Variants in MAP3K10 observed in about 807,000 individuals in gnomAD.
MAP3K10 encodes mitogen-activated protein kinase kinase kinase 10.
A neutral mutation model predicts 75.0 loss-of-function variants in MAP3K10; 22 were observed. The ratio of observed to expected loss-of-function variants is 0.29; its 90% confidence interval spans 0.21 to 0.42. The LOEUF (loss-of-function observed/expected upper bound fraction) is 0.42, where lower values mean the gene tolerates loss of function less well. Ranked by LOEUF, MAP3K10 falls within the 10% of genes least tolerant of loss-of-function variation. The pLI is 1.00. For missense variants in MAP3K10, 1,165 were observed against 1,379.8 expected (o/e 0.84, Z 2.47); for synonymous variants, 599 against 612.9 (o/e 0.98, Z 0.34).
Position 40,204,833 on chromosome 19 carries a change from A to G in MAP3K10, c.1012+200A>G. The G allele has an allele frequency of 2.9e-6, 2 of 680,152 alleles. No homozygotes were observed. Among genetic ancestry groups the G allele is most frequent in the Non-Finnish European group, 4.9e-6 (2 of 411,614 alleles). 42.1% of individuals were successfully genotyped at this position (680,152 alleles called of 1,614,324 possible). A position where few individuals can be genotyped will look rare whatever the true frequency, so the allele number is the denominator to read the frequency against. ...CCCAGCCCTTGTTTGGGCCAGGCCC[A>G]GAGCTCTCAGGACAACCTGTTAGGA... is the stretch of plus-strand genomic sequence containing the variant. On this transcript the variant is annotated intron_variant, in intron 3 of 9. Coordinates refer to ENST00000253055, the MANE Select transcript of MAP3K10 (RefSeq NM_002446.4). This position sits in a 1 kb window ranked among gnomAD's most constrained non-coding sequence, Gnocchi z 4.3.
Position 40,214,010 on chromosome 19 carries a change from A to ACCCCCCCCCCCCCCCC in MAP3K10, c.2334_2335insCCCCCCCCCCCCCCCC (p.Ser779ProfsTer78). The ACCCCCCCCCCCCCCCC allele has an allele frequency of 1.4e-6, 1 of 726,374 alleles. No homozygotes were observed. Among genetic ancestry groups the ACCCCCCCCCCCCCCCC allele is most frequent in the Non-Finnish European group, 1.9e-6 (1 of 538,530 alleles). The allele number at this position is 726,374 out of a possible 1,614,324, so 45.0% of individuals were successfully genotyped here. A position where few individuals can be genotyped will look rare whatever the true frequency, so the allele number is the denominator to read the frequency against. On this transcript the variant is annotated frameshift_variant, in exon 9 of 10. Transcript: ENST00000253055. LOFTEE classifies it high-confidence loss of function. ...CCGCACCGGCCGCGCCCTCCCCACCACCCTCCCCGCCCGCGCCCACACCCA... is the reference window on the plus strand; with the variant it reads ...CCGCACCGGCCGCGCCCTCCCCACCACCCCCCCCCCCCCCCCCCCTCCCCGCCCGCGCCCACACCCA...
chr19:40,214,995 C>T lies in MAP3K10; in HGVS notation c.2568C>T (p.Pro856=). 6.3e-7 allele frequency: 1 copy of T among 1,585,678 alleles called. No individual in the cohort carries two copies. Among genetic ancestry groups the T allele is most frequent in the Non-Finnish European group, 8.6e-7 (1 of 1,161,996 alleles). The change falls in exon 10 of 10, where the codon CCC becomes CCT. Residue 856 remains proline, a synonymous_variant. Coordinates refer to ENST00000253055, the MANE Select transcript of MAP3K10 (RefSeq NM_002446.4). ...GPGPRDLLDF[P]RLPDPQALFP... is the part of the protein sequence containing the mutation. ...GCCCTCGTGACCTTCTGGACTTCCC[C>T]CGCCTGCCCGACCCCCAGGCCCTGT...
intron 5 of MAP3K10, chr19:40,206,396 A>C: frequency 2.5e-6 from 1 of 399,076 alleles, no homozygotes; most frequent in South Asian, 1.1e-4. Context: ...TAGACCCCAT[A>C]TTTACCAAAA....
chr19:40,213,982 AGGCCGCACC>A lies in MAP3K10; in HGVS notation c.2310_2318del (p.Ala772_Pro774del), dbSNP rs1375448446. 5.4e-5 allele frequency: 82 copies of A among 1,531,844 alleles called. No individual in the cohort carries two copies. The highest frequency in any genetic ancestry group is 7.1e-5 in the Non-Finnish European group (81 of 1,146,008). The allele number at this position is 1,531,844 out of a possible 1,614,324, so 94.9% of individuals were successfully genotyped here. The stretch of plus-strand genomic sequence containing the variant: ...TCACTGCTGCGCTCTGACAGTGACG[AGGCCGCACC>A]GGCCGCGCCCTCCCCACCACCCTCC... On this transcript the variant is annotated inframe_deletion, in exon 9 of 10. Transcript: ENST00000253055. This position sits in a 1 kb window ranked among gnomAD's most constrained non-coding sequence, Gnocchi z 5.7.
At position 40,206,848 on chromosome 19, in the gene MAP3K10, T is replaced by C. The variant is rs145523703; in HGVS notation, c.1435+691T>C. ...GTGGCTCACGCCTGTAATCCCAGCA[T>C]TTTGGGAGGCCAAAGTGCGTAGATC... On this transcript the variant is annotated intron_variant, in intron 5 of 9. Transcript: ENST00000253055. Among the ~76,000 whole-genome samples the C allele has an allele frequency of 6.8e-3, 1,041 of 152,048 alleles. 13 individuals are homozygous for C. Among genetic ancestry groups the C allele is most frequent in the African/African-American group, 0.024 (982 of 41,498 alleles).
rs1973083723 is a variant in MAP3K10 at position 40,204,699 on chromosome 19, C to A, written c.1012+66C>A. ...GTGGCAGGGACCTGTGGGCCCAGAC[C>A]TTTCCCCTTCACACCTATCCATACC... is the stretch of plus-strand genomic sequence containing the variant. On this transcript the variant is annotated intron_variant, in intron 3 of 9. Transcript: ENST00000253055. This position sits in a 1 kb window ranked among gnomAD's most constrained non-coding sequence, Gnocchi z 4.3. The A allele has an allele frequency of 3.2e-6, 5 of 1,559,890 alleles. No individual in the cohort carries two copies. The highest frequency in any genetic ancestry group is 3.5e-5 in the Admixed American group (2 of 57,184).
chr19:40,212,862 C>G lies in MAP3K10; in HGVS notation c.1610C>G (p.Thr537Arg), dbSNP rs1457071541. ...SSGSSSGGSG[T>R]WSRGGPPKKE... ...GGCAGCAGCAGTGGAGGAAGTGGGA[C>G]ATGGAGCCGCGGTGGGCCCCCAAAG... The change falls in exon 7 of 10, where the codon ACA becomes AGA. Residue 537 changes from threonine to arginine, a missense_variant. Thr to Arg is a moderately conservative substitution (Grantham distance 71, BLOSUM62 -1). This residue lies in a region of MAP3K10 where 575 missense variants were observed against 793.2 expected (regional missense o/e 0.72). Coordinates refer to ENST00000253055, the MANE Select transcript of MAP3K10 (RefSeq NM_002446.4). The surrounding 1 kb of genome is among the most constrained non-coding windows in gnomAD (Gnocchi z 4.2). The G allele has an allele frequency of 5.0e-6, 8 of 1,609,898 alleles. No individual in the cohort carries two copies. The highest frequency in any genetic ancestry group is 1.1e-5 in the South Asian group (1 of 90,588).
Position 40,205,880 on chromosome 19 carries a change from C to G in MAP3K10, c.1189-31C>G. On this transcript the variant is annotated intron_variant, in intron 4 of 9. Coordinates refer to ENST00000253055, the MANE Select transcript of MAP3K10 (RefSeq NM_002446.4). This position sits in a 1 kb window ranked among gnomAD's most constrained non-coding sequence, Gnocchi z 4.3. ...CCCCAGGAAGCAGAGCAGCTAAGCC[C>G]CTCCCCCCAGCCACCGCCTCTCCTT... The G allele has an allele frequency of 1.3e-6, 2 of 1,496,398 alleles. No homozygotes were observed. Among genetic ancestry groups the G allele is most frequent in the African/African-American group, 1.4e-5 (1 of 72,024 alleles). The allele number at this position is 1,496,398 out of a possible 1,614,324, so 92.7% of individuals were successfully genotyped here.
At chr19:40,194,963 G>A (rs1972879505) in intron 1 of MAP3K10, among the ~76,000 whole-genome samples, 1 of 152,178 alleles carries the variant, frequency 6.6e-6, no homozygotes. Context: ...TAGATCGGGT[G>A]GTCAGGGAAG....
At position 40,209,230 on chromosome 19, in the gene MAP3K10, CCCAAGGCCCTGA is replaced by C; in HGVS notation, c.1552+15_1552+26del. On this transcript the variant is annotated intron_variant, in intron 6 of 9. Coordinates refer to ENST00000253055, the MANE Select transcript of MAP3K10 (RefSeq NM_002446.4). ...TGAGGGCCATTCGCCGTGAGTATCT[CCCAAGGCCCTGA>C]CCAGTCAGTCAGTCAGTGAACAAAC... The C allele has an allele frequency of 6.2e-7, 1 of 1,607,826 alleles. No homozygotes were observed. The highest frequency in any genetic ancestry group is 1.1e-5 in the South Asian group (1 of 90,968).
At chr19:40,207,844 A>G (rs1185055896) in intron 5 of MAP3K10, among the ~76,000 whole-genome samples, 4 of 152,110 alleles carry the variant, frequency 2.6e-5, no homozygotes, top group Non-Finnish European at 5.9e-5. Flanking sequence ...TGAAATCCAG[A>G]TGTATTTTAT....
chr19:40,199,692 G>T (rs922280774), intron 2 of MAP3K10, among the ~76,000 whole-genome samples: 3 of 152,160 alleles, frequency 2.0e-5, no homozygotes, highest in East Asian at 1.9e-4. Context: ...GCCATGAGGA[G>T]CCATGTCTGA....
At chr19:40,208,088 T>C (rs1378188877) in intron 5 of MAP3K10, among the ~76,000 whole-genome samples, 1 of 152,126 alleles carries the variant, frequency 6.6e-6, no homozygotes, top group Non-Finnish European at 1.5e-5. Context: ...AAAGTACATA[T>C]ACATACCCAA....
chr19:40,214,010 A>ACCCCCCCCCCCCCCCCCC lies in MAP3K10; in HGVS notation c.2334_2335insCCCCCCCCCCCCCCCCCC (p.Pro778_Ser779insProProProProProPro). 1.4e-6 allele frequency: 1 copy of ACCCCCCCCCCCCCCCCCC among 726,370 alleles called. No homozygotes were observed. Among genetic ancestry groups the ACCCCCCCCCCCCCCCCCC allele is most frequent in the East Asian group, 5.4e-5 (1 of 18,436 alleles). The allele number at this position is 726,370 out of a possible 1,614,324, so 45.0% of individuals were successfully genotyped here. The stretch of plus-strand genomic sequence containing the variant: ...CCGCACCGGCCGCGCCCTCCCCACC[A>ACCCCCCCCCCCCCCCCCC]CCCTCCCCGCCCGCGCCCACACCCA... On this transcript the variant is annotated inframe_insertion, in exon 9 of 10. Coordinates refer to ENST00000253055, the MANE Select transcript of MAP3K10 (RefSeq NM_002446.4).
rs772590575 is a variant in MAP3K10, at chr19:40,192,620, G to A, written c.589G>A (p.Val197Ile). The change falls in exon 1 of 10, where the codon GTC becomes ATC. Residue 197 changes from valine to isoleucine, a missense_variant. Coordinates refer to ENST00000253055, the MANE Select transcript of MAP3K10 (RefSeq NM_002446.4). This position sits in a 1 kb window ranked among gnomAD's most constrained non-coding sequence, Gnocchi z 7.1. Reference sequence around the variant, plus strand: ...TCGCCGGGTGCCACCTCACGTGCTGGTCAACTGGGCTGTGCAGGTGGCCCG... The same window carrying A: ...TCGCCGGGTGCCACCTCACGTGCTGATCAACTGGGCTGTGCAGGTGGCCCG... Reference protein sequence around the residue: ...AGRRVPPHVLVNWAVQVARGM... With the variant: ...AGRRVPPHVLINWAVQVARGM... 6.2e-7 allele frequency: 1 copy of A among 1,611,398 alleles called. No homozygotes were observed. Among genetic ancestry groups the A allele is most frequent in the South Asian group, 1.1e-5 (1 of 90,658 alleles).
At position 40,206,019 on chromosome 19, in the gene MAP3K10, A is replaced by G. The variant is rs1973113911; in HGVS notation, c.1297A>G (p.Ile433Val). 1 of 1,613,230 alleles carries G rather than the reference A, an allele frequency of 6.2e-7. No individual in the cohort carries two copies. The highest frequency in any genetic ancestry group is 8.5e-7 in the Non-Finnish European group (1 of 1,179,586). The change falls in exon 5 of 10, where the codon ATC becomes GTC. Residue 433 changes from isoleucine (I) to valine (V), a missense_variant. Ile to Val is a conservative substitution (Grantham distance 29). Coordinates refer to ENST00000253055, the MANE Select transcript of MAP3K10 (RefSeq NM_002446.4). ...EQELAEREMD[I>V]VERELHLLMC... ...GGAGCTGGCAGAACGTGAGATGGACATCGTGGAACGGGAGCTGCACCTGCT... is the reference window on the plus strand; with the variant it reads ...GGAGCTGGCAGAACGTGAGATGGACGTCGTGGAACGGGAGCTGCACCTGCT...
At chr19:40,200,089 G>A (rs1036850329) in intron 2 of MAP3K10, among the ~76,000 whole-genome samples, 6 of 152,102 alleles carry the variant, frequency 3.9e-5, no homozygotes, top group African/African-American at 1.4e-4. Context: ...GAGGCCAGGA[G>A]TTCATTCAGG....
At position 40,212,760 on chromosome 19, in the gene MAP3K10, G is replaced by A. The variant is rs1467004313; in HGVS notation, c.1553-45G>A. The A allele has an allele frequency of 2.6e-6, 4 of 1,560,518 alleles. No homozygotes were observed. The highest frequency in any genetic ancestry group is 2.4e-5 in the East Asian group (1 of 41,992). On this transcript the variant is annotated intron_variant, in intron 6 of 9. Coordinates refer to ENST00000253055, the MANE Select transcript of MAP3K10 (RefSeq NM_002446.4). This position sits in a 1 kb window ranked among gnomAD's most constrained non-coding sequence, Gnocchi z 4.2. ...GCACTGGAGGCTGGGAGCCCAGTGG[G>A]GACAGATCCTCCACCCAGTAACCAA...
rs768287551 is a variant in MAP3K10, at chr19:40,213,562, C to T, written c.1883C>T (p.Ser628Phe). 4 of 1,611,504 alleles carry T rather than the reference C, an allele frequency of 2.5e-6. No homozygotes were observed. Among genetic ancestry groups the T allele is most frequent in the Non-Finnish European group, 2.5e-6 (3 of 1,179,194 alleles). Reference sequence around the variant, plus strand: ...GATGGAGGCAGCAGCGTGCCCCCTTCCCCCTACTCGACCCCGTCCTACCTC... The same window carrying T: ...GATGGAGGCAGCAGCGTGCCCCCTTTCCCCTACTCGACCCCGTCCTACCTC... ...AEDGGSSVPPSPYSTPSYLSV... is the reference protein window; with the variant it reads ...AEDGGSSVPPFPYSTPSYLSV... Residue 628 changes from serine (S) to phenylalanine (F), a missense_variant, in exon 9 of 10, where the codon TCC (serine) becomes TTC (phenylalanine). Transcript: ENST00000253055. The surrounding 1 kb of genome is among the most constrained non-coding windows in gnomAD (Gnocchi z 5.7).
Sources: allele counts gnomAD v4.1 joint callset (sites outside exome capture counted in the v4.1 genomes callset), GRCh38; gene constraint gnomAD v4.1.1; regional missense constraint gnomAD v4.1.1; non-coding constraint Gnocchi (gnomAD v3.1); transcripts MANE v1.5; gene names NCBI Gene and HGNC (gene_info 2026-07-23, HGNC 2026-07-21).